Variants in RSRC1 observed in about 807,000 individuals in gnomAD.
RSRC1 encodes the protein serine/Arginine-related protein 53.
Under a neutral mutation model 49.1 loss-of-function variants are expected in RSRC1, and 39 were observed. The observed-to-expected ratio is 0.79, with a 90% CI of 0.61 to 1.04. The LOEUF is 1.04. Ranked by LOEUF, RSRC1 falls within the 50% of genes least tolerant of loss-of-function variation. RSRC1 has a pLI of 0.00. For missense variants in RSRC1, 388 were observed against 402.4 expected (o/e 0.96, Z 0.31); for synonymous variants, 143 against 130.8 (o/e 1.09, Z -0.63).
At chr3:158,121,299 T>C (rs1715243251) in intron 1 of RSRC1, among the ~76,000 whole-genome samples, 1 of 152,104 alleles carries the variant, frequency 6.6e-6, no homozygotes, top group Non-Finnish European at 1.5e-5. Flanking sequence ...TTAATGTGGA[T>C]ATAAATATAT....
intron 3 of RSRC1, among the ~76,000 whole-genome samples, chr3:158,162,995 T>A (rs996472700): frequency 6.6e-6 from 1 of 152,152 alleles, no homozygotes; most frequent in African/African-American, 2.4e-5. Context: ...CCCTTTCCTC[T>A]TGAAATAATT....
At chr3:158,530,841 A>G (rs965322537) in intron 7 of RSRC1, among the ~76,000 whole-genome samples, 11 of 150,436 alleles carry the variant, frequency 7.3e-5, no homozygotes, top group Admixed American at 4.0e-4. Context: ...ACGTGTATAC[A>G]TATGTAACTA....
chr3:158,195,482 T>G (rs1438670387), intron 3 of RSRC1, among the ~76,000 whole-genome samples: 1 of 152,164 alleles, frequency 6.6e-6, no homozygotes, highest in Non-Finnish European at 1.5e-5. Context: ...TCTTTTGCTG[T>G]GCAGAAGCTC....
chr3:158,387,504 GCATAA>G (rs910869656), intron 6 of RSRC1, among the ~76,000 whole-genome samples: 2 of 152,100 alleles, frequency 1.3e-5, no homozygotes, highest in African/African-American at 4.8e-5. Flanking sequence ...CAACTAGAAT[GCATAA>G]CATAAGTATG....
At chr3:158,458,728 T>C (rs569628603) in intron 6 of RSRC1, among the ~76,000 whole-genome samples, 1 of 152,290 alleles carries the variant, frequency 6.6e-6, no homozygotes, top group East Asian at 1.9e-4. Flanking sequence ...ACTTGTTCGT[T>C]ATGCTCTTTG....
intron 5 of RSRC1, among the ~76,000 whole-genome samples, chr3:158,326,198 T>C (rs1317275201): frequency 6.6e-6 from 1 of 152,144 alleles, no homozygotes. Flanking sequence ...GACTTCCTCT[T>C]TTCCTAACTG....
intron 3 of RSRC1, among the ~76,000 whole-genome samples, chr3:158,176,880 T>G (rs1203418274): frequency 2.6e-5 from 4 of 152,008 alleles, no homozygotes; most frequent in Non-Finnish European, 5.9e-5. Flanking sequence ...GGGAGAAAAT[T>G]TTTGCAATCT....
chr3:158,403,842 A>G (rs530984825), intron 6 of RSRC1, among the ~76,000 whole-genome samples: 1 of 151,966 alleles, frequency 6.6e-6, no homozygotes, highest in Admixed American at 6.6e-5. Flanking sequence ...TATATAAACT[A>G]TAAGAAAGAA....
chr3:158,177,157 G>C (rs1315795571), intron 3 of RSRC1, among the ~76,000 whole-genome samples: 2 of 152,182 alleles, frequency 1.3e-5, no homozygotes, highest in Admixed American at 1.3e-4. Flanking sequence ...TGCTGGAGAG[G>C]ATGTGGAGAA....
At chr3:158,264,750 G>A (rs368723304) in intron 4 of RSRC1, among the ~76,000 whole-genome samples, 1 of 152,134 alleles carries the variant, frequency 6.6e-6, no homozygotes, top group Non-Finnish European at 1.5e-5. Context: ...GGTGGGTGTC[G>A]AGTAGTGCTC....
At chr3:158,200,099 G>A (rs755071105) in intron 3 of RSRC1, among the ~76,000 whole-genome samples, 17 of 151,910 alleles carry the variant, frequency 1.1e-4, no homozygotes, top group Admixed American at 2.0e-4. Flanking sequence ...GTGCAGTGGC[G>A]CTATCTTGGC....
rs1371332470 is a variant in RSRC1 at position 158,354,984 on chromosome 3, G to T, written c.583+76G>T. ...CTAGGCTGGTAGCATGCTTAGAAAT[G>T]AGTAAAAAAAAAAACACTATTTTTA... is the stretch of plus-strand genomic sequence containing the variant. On this transcript the variant is annotated intron_variant, in intron 6 of 9. Transcript: ENST00000611884. The T allele has an allele frequency of 2.4e-5, 22 of 905,838 alleles. No individual in the cohort carries two copies. In the South Asian group the frequency reaches 3.5e-4, roughly 14 times the overall value. 56.1% of individuals were successfully genotyped at this position (905,838 alleles called of 1,614,324 possible).
At chr3:158,119,297 T>A (rs1715088768) in intron 1 of RSRC1, among the ~76,000 whole-genome samples, 1 of 152,218 alleles carries the variant, frequency 6.6e-6, no homozygotes. Flanking sequence ...TACAGTTGCC[T>A]GATAATAAGT....
chr3:158,455,971 C>T (rs1184866060), intron 6 of RSRC1, among the ~76,000 whole-genome samples: 4 of 89,994 alleles, frequency 4.4e-5, no homozygotes, highest in Non-Finnish European at 8.1e-5. Context: ...CAGAGCAAGA[C>T]TCCATCTCAA....
At chr3:158,294,540 A>G (rs761915456) in intron 4 of RSRC1, among the ~76,000 whole-genome samples, 29 of 151,172 alleles carry the variant, frequency 1.9e-4, no homozygotes, top group Non-Finnish European at 3.4e-4. Context: ...TTTTTTTCCT[A>G]ACAGCATTTA....
chr3:158,200,340 G>A (rs1164009271), intron 3 of RSRC1, among the ~76,000 whole-genome samples: 1 of 152,024 alleles, frequency 6.6e-6, no homozygotes, highest in Non-Finnish European at 1.5e-5. Flanking sequence ...GCCCGGCCTG[G>A]CCATTTACTT....
chr3:158,523,315 GAAAACA>G (rs1297261310), intron 7 of RSRC1, among the ~76,000 whole-genome samples: 3 of 151,968 alleles, frequency 2.0e-5, no homozygotes, highest in Non-Finnish European at 2.9e-5. Flanking sequence ...TACATGAAAT[GAAAACA>G]ACCTTGAATA....
At chr3:158,412,097 A>T (rs1464652051) in intron 6 of RSRC1, among the ~76,000 whole-genome samples, 1 of 152,152 alleles carries the variant, frequency 6.6e-6, no homozygotes, top group African/African-American at 2.4e-5. Context: ...ACAAGAAAAA[A>T]TACTTAATTT....
intron 6 of RSRC1, among the ~76,000 whole-genome samples, chr3:158,425,746 G>A (rs1019505617): frequency 2.0e-5 from 3 of 151,916 alleles, no homozygotes; most frequent in Admixed American, 6.6e-5. Context: ...CTCAGGACTT[G>A]CTTTATGAAT....
Sources: allele counts gnomAD v4.1 joint callset (sites outside exome capture counted in the v4.1 genomes callset), GRCh38; gene constraint gnomAD v4.1.1; transcripts MANE v1.5; gene names NCBI Gene and HGNC (gene_info 2026-07-23, HGNC 2026-07-21).